GDI2: variants seen among roughly 807,000 people sequenced by gnomAD.
GDI2 encodes the protein GDP dissociation inhibitor 2, also known as rab GDP dissociation inhibitor beta.
Under a neutral mutation model 54.2 loss-of-function variants are expected in GDI2, and 22 were observed. The observed-to-expected ratio is 0.41, with a 90% confidence interval of 0.29 to 0.58. The LOEUF (loss-of-function observed/expected upper bound fraction) is 0.58. Ranked by LOEUF, GDI2 falls within the 20% of genes least tolerant of loss-of-function variation. The pLI, the probability that GDI2 is intolerant of heterozygous loss-of-function variation, is 0.35. For synonymous variants in GDI2, 177 were observed against 182.1 expected, an observed-to-expected ratio of 0.97 and a Z score of 0.23; for missense variants, 422 against 546.0, an observed-to-expected ratio of 0.77 and a Z score of 2.26.
rs376693645 is a variant in GDI2, at chr10:5,782,396, A to C, written c.719+2746T>G. On this transcript the variant is annotated intron_variant, in intron 6 of 10. Transcript: ENST00000380191. ...GTATACACAATGACACAACCACTCCAGAACACTGTTTTACAGTTTCTTATG... is the reference window on the plus strand; with the variant it reads ...GTATACACAATGACACAACCACTCCCGAACACTGTTTTACAGTTTCTTATG... Among the ~76,000 whole-genome samples, 3 of 152,256 alleles carry C rather than the reference A, an allele frequency of 2.0e-5. No individual in the cohort carries two copies. In the East Asian group the frequency reaches 5.8e-4, roughly 29 times the overall value.
intron 4 of GDI2, among the ~76,000 whole-genome samples, chr10:5,792,627 C>T (rs1364725187): frequency 6.7e-6 from 1 of 148,618 alleles, no homozygotes; most frequent in Non-Finnish European, 1.5e-5. Flanking sequence ...TTCTACTGTA[C>T]ATAAATTATA....
At chr10:5,804,294 G>T (rs1430730426) in intron 1 of GDI2, among the ~76,000 whole-genome samples, 1 of 151,922 alleles carries the variant, frequency 6.6e-6, no homozygotes. Context: ...GGGTTTCACC[G>T]TGTTGGCCAG....
At chr10:5,794,184 AAAAAATATATATATATATATATATATAT>A (rs1841082804) in intron 4 of GDI2, among the ~76,000 whole-genome samples, 1 of 52,710 alleles carries the variant, frequency 1.9e-5, no homozygotes, top group Admixed American at 2.9e-4. Context: ...AAAAAAAAAA[AAAAAATATATATATATATATATATATAT>A]ATATATATAT....
At chr10:5,777,984 A>G (rs1190011652) in intron 6 of GDI2, among the ~76,000 whole-genome samples, 1 of 152,222 alleles carries the variant, frequency 6.6e-6, no homozygotes, top group Non-Finnish European at 1.5e-5. Flanking sequence ...TGTCCTTTGC[A>G]GGGACATGGA....
chr10:5,772,362 C>G (rs1025749784), intron 7 of GDI2, among the ~76,000 whole-genome samples: 2 of 152,154 alleles, frequency 1.3e-5, no homozygotes, highest in Non-Finnish European at 2.9e-5. Flanking sequence ...TGCTTTGTAA[C>G]TTCATTTAAA....
chr10:5,786,791 G>A (rs1033217425), intron 4 of GDI2, among the ~76,000 whole-genome samples: 15 of 152,212 alleles, frequency 9.9e-5, no homozygotes, highest in African/African-American at 3.4e-4. Context: ...GATACAACCG[G>A]GCACTTAATG....
chr10:5,779,056 A>C (rs1008475190), intron 6 of GDI2, among the ~76,000 whole-genome samples: 1 of 152,236 alleles, frequency 6.6e-6, no homozygotes, highest in Non-Finnish European at 1.5e-5. Flanking sequence ...AAATGTTAAA[A>C]TACGCAGTTT....
chr10:5,769,260 A>AC (rs1413756736), intron 7 of GDI2: 3 of 152,120 alleles, frequency 2.0e-5, no homozygotes, highest in African/African-American at 7.2e-5. Flanking sequence ...AACAACAACA[A>AC]AAAAAACCCT....
At chr10:5,789,622 C>T (rs1373216493) in intron 4 of GDI2, among the ~76,000 whole-genome samples, 5 of 152,084 alleles carry the variant, frequency 3.3e-5, no homozygotes, top group Admixed American at 2.6e-4. Flanking sequence ...GCAGATGAAC[C>T]GCATAGCCTA....
rs142565898 is a variant in GDI2 at position 5,800,620 on chromosome 10, G to A, written c.131C>T (p.Ala44Val). Residue 44 changes from alanine (A) to valine (V), a missense_variant, in exon 2 of 11, where the codon GCA becomes GTA. Transcript: ENST00000380191. ...TACATCTTCCAATGGTGTTATAGAT[G>A]CACTCTCTCCTCCGTAGTAAGGGTT... ...DRNPYYGGES[A>V]SITPLEDLYK... 1 of 1,563,324 alleles carries A rather than the reference G, an allele frequency of 6.4e-7. No individual in the cohort carries two copies. The highest frequency in any genetic ancestry group is 8.8e-7 in the Non-Finnish European group (1 of 1,133,598).
At position 5,785,887 on chromosome 10, in the gene GDI2, A is replaced by G. The variant is rs781169212; in HGVS notation, c.552T>C (p.Phe184=). ...KFDLGQDVID[F]TGHALALYRT... is the part of the protein sequence containing the mutation. ...TGTAAAGTGCAAGAGCATGACCAGT[A>G]AAATCTATAACGTCTTGACCCAAAT... Residue 184 remains phenylalanine, a synonymous_variant, in exon 5 of 11, where the codon TTT becomes TTC. Coordinates refer to ENST00000380191, the MANE Select transcript of GDI2 (RefSeq NM_001494.4). 9.9e-6 allele frequency: 16 copies of G among 1,611,390 alleles called. No homozygotes were observed. Among genetic ancestry groups the G allele is most frequent in the Non-Finnish European group, 1.3e-5 (15 of 1,177,740 alleles).
Position 5,768,108 on chromosome 10 carries a change from G to T in GDI2, c.991+105C>A. The T allele has an allele frequency of 1.1e-6, 1 of 896,294 alleles. No homozygotes were observed. The highest frequency in any genetic ancestry group is 1.8e-6 in the Non-Finnish European group (1 of 565,562). 55.5% of individuals were successfully genotyped at this position (896,294 alleles called of 1,614,324 possible). A position where few individuals can be genotyped will look rare whatever the true frequency, so the allele number is the denominator to read the frequency against. On this transcript the variant is annotated intron_variant, in intron 8 of 10. Transcript: ENST00000380191. This position sits in a 1 kb window ranked among gnomAD's most constrained non-coding sequence, Gnocchi z 4.4. Reference sequence around the variant, plus strand: ...TTTTTTCCCCCATATGTAAACCAAGGTCTGTTCACTAATACAGCATACAAA... The same window carrying T: ...TTTTTTCCCCCATATGTAAACCAAGTTCTGTTCACTAATACAGCATACAAA...
chr10:5,812,088 A>T, intron 1 of GDI2: 1 of 185,922 alleles, frequency 5.4e-6, no homozygotes, highest in East Asian at 1.8e-4. Flanking sequence ...CAAGATTTAC[A>T]TCAGTATTCA....
intron 7 of GDI2, chr10:5,769,024 T>C (rs1169531528): frequency 6.6e-6 from 1 of 152,216 alleles, no homozygotes; most frequent in East Asian, 1.9e-4. Context: ...TGGTGGCATG[T>C]GCCTGTAACC....
At position 5,779,932 on chromosome 10, in the gene GDI2, G is replaced by T. The variant is rs572777632; in HGVS notation, c.719+5210C>A. On this transcript the variant is annotated intron_variant, in intron 6 of 10. Coordinates refer to ENST00000380191, the MANE Select transcript of GDI2 (RefSeq NM_001494.4). ...GGTCTCCAACTCCTGGGCTTCAAGC[G>T]ATCCACCCACCTCACCCTCCCAAAG... Among the ~76,000 whole-genome samples the T allele has an allele frequency of 8.6e-5, 13 of 151,968 alleles. No individual in the cohort carries two copies. The East Asian group carries it at 2.1e-3, about 25-fold the overall frequency.
Position 5,795,039 on chromosome 10 carries a change from C to T in GDI2, c.254-20G>A. ...GCTGACCTAGAAAAGTCACATAATTCAAACTATAACTTAAGTCTATAAATT... is the reference window on the plus strand; with the variant it reads ...GCTGACCTAGAAAAGTCACATAATTTAAACTATAACTTAAGTCTATAAATT... On this transcript the variant is annotated intron_variant, in intron 3 of 10. Coordinates refer to ENST00000380191, the MANE Select transcript of GDI2 (RefSeq NM_001494.4). The T allele has an allele frequency of 6.7e-7, 1 of 1,488,170 alleles. No individual in the cohort carries two copies. The allele number at this position is 1,488,170 out of a possible 1,614,324, so 92.2% of individuals were successfully genotyped here.
chr10:5,802,309 C>A (rs983453939), intron 1 of GDI2, among the ~76,000 whole-genome samples: 23 of 152,008 alleles, frequency 1.5e-4, no homozygotes, highest in Admixed American at 1.0e-3. Flanking sequence ...ATTAGAATTA[C>A]CGAAAACTTG....
chr10:5,771,739 C>G (rs1443954757), intron 7 of GDI2, among the ~76,000 whole-genome samples: 2 of 152,106 alleles, frequency 1.3e-5, no homozygotes, highest in African/African-American at 2.4e-5. Context: ...TTCAGAAACA[C>G]AAAGAATGAA....
At chr10:5,773,127 C>G (rs1480189396) in intron 7 of GDI2, among the ~76,000 whole-genome samples, 1 of 152,176 alleles carries the variant, frequency 6.6e-6, no homozygotes, top group Middle Eastern at 3.2e-3. Context: ...CTCAAACTTT[C>G]CAGTGAGACC....
Sources: gnomAD v4.1 joint callset for allele counts (sites outside exome capture counted in the v4.1 genomes callset) on GRCh38, gnomAD v4.1.1 for gene constraint, Gnocchi (gnomAD v3.1) non-coding constraint, MANE v1.5 for transcripts, NCBI Gene and HGNC (gene_info 2026-07-23, HGNC 2026-07-21) for gene names.